Variants in SLIT3 observed in about 807,000 individuals in gnomAD.
The protein encoded by SLIT3 is slit guidance ligand 3, also known as slit homolog 3 protein.
Under a neutral mutation model 184.0 loss-of-function variants are expected in SLIT3, and 68 were observed. The ratio of observed to expected loss-of-function variants is 0.37; its 90% CI spans 0.30 to 0.45. The LOEUF is 0.45. Ranked by LOEUF, SLIT3 falls within the 20% of genes least tolerant of loss-of-function variation. SLIT3 has a pLI of 1.00. For synonymous variants in SLIT3, 831 were observed against 828.6 expected (o/e 1.00, Z -0.05); for missense variants, 1,707 against 2,026.0 (o/e 0.84, Z 3.02).
intron 4 of SLIT3, among the ~76,000 whole-genome samples, chr5:169,155,970 T>C (rs1163558095): frequency 6.6e-6 from 1 of 152,184 alleles, no homozygotes; most frequent in African/African-American, 2.4e-5. Context: ...CGGGGTAAAG[T>C]TGAAAAACAC....
At chr5:168,923,988 T>C (rs1761724080) in intron 4 of SLIT3, among the ~76,000 whole-genome samples, 1 of 152,220 alleles carries the variant, frequency 6.6e-6, no homozygotes, top group South Asian at 2.1e-4. Flanking sequence ...CAGAATGGAA[T>C]AGGGTCACAG....
rs2113671445 is a variant in SLIT3, at chr5:169,300,093, T to C, written c.197+420A>G. Reference sequence around the variant, plus strand: ...AGCAGGTCAACAGTCTCGGGCCCTCTCTCCCGCCTCCGCGCCTTGACGGCC... The same window carrying C: ...AGCAGGTCAACAGTCTCGGGCCCTCCCTCCCGCCTCCGCGCCTTGACGGCC... On this transcript the variant is annotated intron_variant, in intron 1 of 35. Coordinates refer to ENST00000519560, the MANE Select transcript of SLIT3 (RefSeq NM_003062.4). This position sits in a 1 kb window ranked among gnomAD's most constrained non-coding sequence, Gnocchi z 4.1. 6.6e-6 allele frequency among the ~76,000 whole-genome samples: 1 copy of C among 152,302 alleles called. No individual in the cohort carries two copies. Among genetic ancestry groups the C allele is most frequent in the African/African-American group, 2.4e-5 (1 of 41,574 alleles).
At chr5:169,286,595 C>T (rs1767155680) in intron 1 of SLIT3, among the ~76,000 whole-genome samples, 1 of 152,212 alleles carries the variant, frequency 6.6e-6, no homozygotes, top group Admixed American at 6.5e-5. Flanking sequence ...GGTCAAATGA[C>T]TTGTCCAAGG....
chr5:168,907,975 T>TAGAG (rs1421951059), intron 4 of SLIT3, among the ~76,000 whole-genome samples: 115 of 64,622 alleles, frequency 1.8e-3, no homozygotes, highest in African/African-American at 3.7e-3. Context: ...TATATATATA[T>TAGAG]ATATAGAGAG....
At chr5:168,770,113 G>C (rs74706972) in intron 14 of SLIT3, among the ~76,000 whole-genome samples, 4 of 152,200 alleles carry the variant, frequency 2.6e-5, no homozygotes, top group Non-Finnish European at 5.9e-5. Flanking sequence ...GGATGGGCTT[G>C]GGGTCCCAGG....
intron 5 of SLIT3, among the ~76,000 whole-genome samples, chr5:168,860,280 GA>G (rs1759054355): frequency 6.6e-6 from 1 of 152,126 alleles, no homozygotes; most frequent in Non-Finnish European, 1.5e-5. Context: ...ACACTGTTTA[GA>G]GACAAGTGAC....
chr5:169,247,608 C>G (rs1281610830), intron 2 of SLIT3, among the ~76,000 whole-genome samples: 2 of 152,186 alleles, frequency 1.3e-5, no homozygotes, highest in Admixed American at 1.3e-4. Flanking sequence ...ATGAGATACA[C>G]CGTTTCCACC....
intron 1 of SLIT3, among the ~76,000 whole-genome samples, chr5:169,286,915 T>C (rs1277384402): frequency 2.0e-5 from 3 of 152,188 alleles, no homozygotes; most frequent in Non-Finnish European, 2.9e-5. Context: ...GGAAGAGAGC[T>C]TCCTGACTGA....
chr5:168,945,093 T>C (rs1379979077), intron 4 of SLIT3, among the ~76,000 whole-genome samples: 1 of 152,124 alleles, frequency 6.6e-6, no homozygotes, highest in Non-Finnish European at 1.5e-5. Context: ...ACTCAACTTC[T>C]GGAAAGGGAA....
Position 169,006,774 on chromosome 5 carries a change from C to T in SLIT3, c.414-123438G>A, listed in dbSNP as rs1200104422. ...TTCCCTAAATGAGAGACTGCTTTAC[C>T]AGGAAGCCTGAGTGCCTCCCACCCA... On this transcript the variant is annotated intron_variant, in intron 4 of 35. Coordinates refer to ENST00000519560, the MANE Select transcript of SLIT3 (RefSeq NM_003062.4). Among the ~76,000 whole-genome samples the T allele has an allele frequency of 2.0e-5, 3 of 152,170 alleles. No homozygotes were observed. The East Asian group carries it at 5.8e-4, about 29-fold the overall frequency.
At chr5:169,033,124 C>T (rs139888952) in intron 4 of SLIT3, among the ~76,000 whole-genome samples, 1 of 151,608 alleles carries the variant, frequency 6.6e-6, no homozygotes, top group African/African-American at 2.4e-5. Flanking sequence ...CTGGTAATCA[C>T]TGTTTTGTTC....
At chr5:169,112,637 A>C (rs1272548864) in intron 4 of SLIT3, among the ~76,000 whole-genome samples, 3 of 136,362 alleles carry the variant, frequency 2.2e-5, no homozygotes, top group African/African-American at 3.2e-5. Context: ...TCTGCTCTTC[A>C]CCCTCTACCC....
chr5:168,822,116 T>C (rs537981916), intron 7 of SLIT3, among the ~76,000 whole-genome samples: 82 of 152,268 alleles, frequency 5.4e-4, no homozygotes, highest in African/African-American at 1.8e-3. Context: ...CTGGGTGATA[T>C]TGATGCTGCT....
chr5:169,287,675 C>T (rs901044540), intron 1 of SLIT3, among the ~76,000 whole-genome samples: 2 of 152,106 alleles, frequency 1.3e-5, no homozygotes, highest in Non-Finnish European at 2.9e-5. Context: ...AGGAACAGAA[C>T]CAAGTTCTGT....
At chr5:169,277,742 T>C (rs1171154366) in intron 1 of SLIT3, among the ~76,000 whole-genome samples, 1 of 152,234 alleles carries the variant, frequency 6.6e-6, no homozygotes, top group East Asian at 1.9e-4. Context: ...TCTGTTTGAG[T>C]ACCTGCTTTC....
Position 168,666,288 on chromosome 5 carries a change from A to G in SLIT3, c.*166T>C. ...AAAATAGTCACTTTCCATAATAAAA[A>G]TAAGTTCTATTTTTTGTTTATTTTA... On this transcript the variant is annotated 3_prime_UTR_variant, in exon 36 of 36. Transcript: ENST00000519560. 1 of 577,704 alleles carries G rather than the reference A, an allele frequency of 1.7e-6. No homozygotes were observed. Among genetic ancestry groups the G allele is most frequent in the Non-Finnish European group, 2.8e-6 (1 of 362,206 alleles). The allele number at this position is 577,704 out of a possible 1,614,324, so 35.8% of individuals were successfully genotyped here. A position where few individuals can be genotyped will look rare whatever the true frequency, so the allele number is the denominator to read the frequency against.
Position 168,684,114 on chromosome 5 carries a change from G to C in SLIT3, c.3556-18C>G. The C allele has an allele frequency of 6.4e-7, 1 of 1,567,588 alleles. No homozygotes were observed. The highest frequency in any genetic ancestry group is 8.7e-7 in the Non-Finnish European group (1 of 1,154,124). On this transcript the variant is annotated intron_variant, in intron 31 of 35. Coordinates refer to ENST00000519560, the MANE Select transcript of SLIT3 (RefSeq NM_003062.4). ...GTGGCCACCTGGAGAAAGCAGCCGGGGCGTGTTAGTAAGGGCTTACCTGAG... is the reference window on the plus strand; with the variant it reads ...GTGGCCACCTGGAGAAAGCAGCCGGCGCGTGTTAGTAAGGGCTTACCTGAG...
At chr5:169,246,706 G>A (rs535355473) in intron 2 of SLIT3, among the ~76,000 whole-genome samples, 1 of 152,132 alleles carries the variant, frequency 6.6e-6, no homozygotes, top group African/African-American at 2.4e-5. Flanking sequence ...GGACCAGGAG[G>A]TCAGGAGTTC....
intron 1 of SLIT3, among the ~76,000 whole-genome samples, chr5:169,269,668 C>T (rs1382293276): frequency 4.6e-5 from 7 of 152,250 alleles, no homozygotes; most frequent in Admixed American, 3.9e-4. Context: ...CCACCAACCC[C>T]ATTCAGGCAG....
Sources: gnomAD v4.1 joint callset for allele counts (sites outside exome capture counted in the v4.1 genomes callset) on GRCh38, gnomAD v4.1.1 for gene constraint, Gnocchi (gnomAD v3.1) non-coding constraint, MANE v1.5 for transcripts, NCBI Gene and HGNC (gene_info 2026-07-23, HGNC 2026-07-21) for gene names.